The following MYBL1 variants were observed in gnomAD, a reference collection of about 807,000 sequenced individuals.
The protein encoded by MYBL1 is myb-related protein A.
In MYBL1, 17 loss-of-function variants were observed where a neutral mutation model predicts 96.3. The observed-to-expected ratio is 0.18, with a 90% CI of 0.12 to 0.26. The LOEUF (loss-of-function observed/expected upper bound fraction) is 0.26. Among genes scored for constraint, MYBL1 ranks in the 10% least tolerant of loss-of-function variants. The pLI is 1.00. For missense variants in MYBL1, 701 were observed against 882.9 expected (o/e 0.79, Z 2.61); for synonymous variants, 282 against 292.7 (o/e 0.96, Z 0.37).
chr8:66,580,859 T>C (rs1189781087), intron 8 of MYBL1, among the ~76,000 whole-genome samples: 1 of 138,926 alleles, frequency 7.2e-6, no homozygotes, highest in Non-Finnish European at 1.5e-5. Context: ...GAAGCTCTTC[T>C]TTTTTTTTTT....
intron 8 of MYBL1, among the ~76,000 whole-genome samples, chr8:66,584,902 T>C (rs1809352917): frequency 6.6e-6 from 1 of 151,458 alleles, no homozygotes; most frequent in South Asian, 2.1e-4. Flanking sequence ...CATGAAAAAA[T>C]ACAAAGATCT....
At chr8:66,587,483 T>C (rs538308821) in intron 8 of MYBL1, among the ~76,000 whole-genome samples, 13 of 152,356 alleles carry the variant, frequency 8.5e-5, no homozygotes, top group African/African-American at 2.2e-4. Flanking sequence ...TTTATCTCTT[T>C]AGAAATGTAC....
rs375349642 is a variant in MYBL1, at chr8:66,602,351, G to A, written c.126+67C>T. The A allele has an allele frequency of 4.5e-4, 493 of 1,103,030 alleles. 7 individuals carry two copies. In the East Asian group the frequency reaches 0.013, roughly 29 times the overall value. The allele number at this position is 1,103,030 out of a possible 1,614,324, so 68.3% of individuals were successfully genotyped here. A position where few individuals can be genotyped will look rare whatever the true frequency, so the allele number is the denominator to read the frequency against. ...CAGGCGTGAGCCACCACACCTGGCC[G>A]TATAACTATAGCAGTATTAACCAAT... is the stretch of plus-strand genomic sequence containing the variant. On this transcript the variant is annotated intron_variant, in intron 2 of 15. Transcript: ENST00000522677.
intron 4 of MYBL1, among the ~76,000 whole-genome samples, chr8:66,597,973 A>C (rs1809920517): frequency 6.6e-6 from 1 of 152,012 alleles, no homozygotes; most frequent in Non-Finnish European, 1.5e-5. Flanking sequence ...CTGAAAGGAC[A>C]CAGATTACAT....
At position 66,564,805 on chromosome 8, in the gene MYBL1, T is replaced by C. The variant is rs1212976073; in HGVS notation, c.2151A>G (p.Thr717=). 1 of 1,570,198 alleles carries C rather than the reference T, an allele frequency of 6.4e-7. No homozygotes were observed. The highest frequency in any genetic ancestry group is 1.8e-5 in the Admixed American group (1 of 54,866). ...KNLQSNCEWE[T]VVYGKTEDQL... Reference sequence around the variant, plus strand: ...GGTCTTCTGTCTTCCCATAAACCACTGTTTCCCATTCACAATTTGACTAGA... The same window carrying C: ...GGTCTTCTGTCTTCCCATAAACCACCGTTTCCCATTCACAATTTGACTAGA... The change falls in exon 16 of 16, where the codon ACA becomes ACG. Residue 717 remains threonine, a synonymous_variant. Coordinates refer to ENST00000522677, the MANE Select transcript of MYBL1 (RefSeq NM_001080416.4).
At chr8:66,570,896 T>C (rs1032080774) in intron 12 of MYBL1, among the ~76,000 whole-genome samples, 2 of 152,166 alleles carry the variant, frequency 1.3e-5, no homozygotes, top group African/African-American at 4.8e-5. Context: ...TAGGAAGCTC[T>C]AAAGGAAATA....
rs12681660 is a variant in MYBL1 at position 66,567,576 on chromosome 8, G to A, written c.1729-584C>T. ...GTAGTGTGGGAGGGTAGGTTACAGA[G>A]AGATAGACACTTGAGTGTCAGCTGA... On this transcript the variant is annotated intron_variant, in intron 12 of 15. Transcript: ENST00000522677. Among the ~76,000 whole-genome samples, 229 of 152,124 alleles carry A rather than the reference G, an allele frequency of 1.5e-3. 5 individuals are homozygous for A. The East Asian group carries it at 0.034, about 23-fold the overall frequency.
intron 6 of MYBL1, among the ~76,000 whole-genome samples, chr8:66,595,227 A>G (rs567047346): frequency 6.6e-6 from 1 of 152,288 alleles, no homozygotes; most frequent in South Asian, 2.1e-4. Flanking sequence ...GCCATTTTAT[A>G]TATACCTACC....
chr8:66,572,659 G>T, intron 11 of MYBL1, 63 bp from the exon 12 acceptor site: 1 of 792,948 alleles, frequency 1.3e-6, no homozygotes, highest in South Asian at 2.5e-5. Context: ...GTTAATGAAA[G>T]CAAAGCAATT....
intron 8 of MYBL1, among the ~76,000 whole-genome samples, chr8:66,585,131 C>T (rs1809362847): frequency 6.6e-6 from 1 of 152,220 alleles, no homozygotes; most frequent in South Asian, 2.1e-4. Flanking sequence ...GGAGGCATCA[C>T]ACTAACACGC....
At chr8:66,588,179 T>C (rs1809494650) in intron 8 of MYBL1, among the ~76,000 whole-genome samples, 1 of 151,620 alleles carries the variant, frequency 6.6e-6, no homozygotes, top group Non-Finnish European at 1.5e-5. Context: ...TTTCAGTTGG[T>C]ATGCAGGTGA....
chr8:66,590,211 T>C (rs1001136101), intron 8 of MYBL1, among the ~76,000 whole-genome samples: 1 of 152,222 alleles, frequency 6.6e-6, no homozygotes, highest in African/African-American at 2.4e-5. Context: ...CATAATACTA[T>C]TTCAAGATCT....
chr8:66,602,733 A>AT (rs143426704), intron 1 of MYBL1, among the ~76,000 whole-genome samples: 23 of 28,158 alleles, frequency 8.2e-4, no homozygotes, highest in East Asian at 5.1e-3. Context: ...ATATATATAT[A>AT]TTTTTTTTTT....
chr8:66,613,033 C>T lies in MYBL1; in HGVS notation c.-195G>A, dbSNP rs554306115. ...GGCGGACCGCGACCCGACCCCGACC[C>T]CGGCCCGCAGCGCCGCTCTTAGCCC... On this transcript the variant is annotated 5_prime_UTR_variant, in exon 1 of 16. Transcript: ENST00000522677. The T allele has an allele frequency of 5.8e-4, 302 of 521,900 alleles. 5 individuals are homozygous for T. In the South Asian group the frequency reaches 0.024, roughly 41 times the overall value. 32.3% of individuals were successfully genotyped at this position (521,900 alleles called of 1,614,324 possible).
intron 14 of MYBL1, 73 bp downstream of exon 14, chr8:66,566,611 T>C: frequency 1.0e-6 from 1 of 976,376 alleles, no homozygotes; most frequent in East Asian, 2.6e-5. Context: ...GGCTACACAA[T>C]GAGTAAGAAA....
At chr8:66,594,092 C>T (rs1027702415) in intron 6 of MYBL1, among the ~76,000 whole-genome samples, 10 of 151,654 alleles carry the variant, frequency 6.6e-5, no homozygotes, top group African/African-American at 2.2e-4. Flanking sequence ...GCTGTGTGCG[C>T]ACCACTGCAT....
intron 8 of MYBL1, 90 bp from the exon 9 acceptor site, chr8:66,580,456 C>T (rs11990331): frequency 0.058 from 47,426 of 812,168 alleles, 5,089 homozygotes; most frequent in African/African-American, 0.38. Flanking sequence ...AGGCTAAAAA[C>T]ATAGTAGCAA....
chr8:66,605,524 T>G (rs1377341142), intron 1 of MYBL1, among the ~76,000 whole-genome samples: 1 of 152,072 alleles, frequency 6.6e-6, no homozygotes, highest in Non-Finnish European at 1.5e-5. Flanking sequence ...GCCTTAATGA[T>G]AAACTGAAAT....
chr8:66,603,214 TTG>T (rs1315238286), intron 1 of MYBL1, among the ~76,000 whole-genome samples: 1 of 152,172 alleles, frequency 6.6e-6, no homozygotes, highest in Non-Finnish European at 1.5e-5. Context: ...GACAGATATC[TTG>T]TGTTTTAGAA....
Sources: gnomAD v4.1 joint callset for allele counts (sites outside exome capture counted in the v4.1 genomes callset) on GRCh38, gnomAD v4.1.1 for gene constraint, MANE v1.5 for transcripts, NCBI Gene and HGNC (gene_info 2026-07-23, HGNC 2026-07-21) for gene names.